Variants in GARIN2 observed in about 807,000 individuals in gnomAD.
GARIN2 encodes golgi associated RAB2 interactor family member 2, also known as Golgi-associated RAB2 interactor protein 2.
the GARIN2 span, among the ~76,000 whole-genome samples, chr14:67,207,925 T>C: frequency 6.6e-6 from 1 of 152,162 alleles, no homozygotes; most frequent in African/African-American, 2.4e-5. Context: ...GTACTGTAAT[T>C]AGATGCCAAC....
chr14:67,215,060 T>A, the GARIN2 span, among the ~76,000 whole-genome samples: 3 of 152,200 alleles, frequency 2.0e-5, no homozygotes, highest in Non-Finnish European at 4.4e-5. Context: ...CTTAAGGAGA[T>A]TCTGGGCTGA....
At chr14:67,216,684 T>C in the GARIN2 span, among the ~76,000 whole-genome samples, 3 of 152,208 alleles carry the variant, frequency 2.0e-5, no homozygotes, top group Non-Finnish European at 1.5e-5. Context: ...AGCATGTTGT[T>C]TAATTTTTAT....
chr14:67,221,786 A>G, the GARIN2 span: 1 of 1,613,450 alleles, frequency 6.2e-7, no homozygotes, highest in South Asian at 1.1e-5. Context: ...CAGGAGCTTG[A>G]GAACTGAATC....
the GARIN2 span, among the ~76,000 whole-genome samples, chr14:67,212,354 C>T: frequency 6.6e-6 from 1 of 151,798 alleles, no homozygotes; most frequent in African/African-American, 2.4e-5. Context: ...CACCTGTAAT[C>T]CCATGGGCAG....
the GARIN2 span, among the ~76,000 whole-genome samples, chr14:67,211,538 G>A: frequency 3.3e-5 from 5 of 152,210 alleles, no homozygotes; most frequent in African/African-American, 9.7e-5. Flanking sequence ...TCGAATGTAT[G>A]AGGAAGTTCA....
At chr14:67,219,443 G>C in the GARIN2 span, among the ~76,000 whole-genome samples, 1 of 152,226 alleles carries the variant, frequency 6.6e-6, no homozygotes, top group South Asian at 2.1e-4. Flanking sequence ...TCACATCTTA[G>C]CAGTTTATTC....
the GARIN2 span, among the ~76,000 whole-genome samples, chr14:67,192,961 T>G: frequency 5.4e-5 from 8 of 146,868 alleles, no homozygotes; most frequent in South Asian, 1.1e-3. Context: ...TATATATCTA[T>G]ATATCGATAT....
chr14:67,220,407 A>G, the GARIN2 span, among the ~76,000 whole-genome samples: 1 of 151,886 alleles, frequency 6.6e-6, no homozygotes, highest in African/African-American at 2.4e-5. Context: ...GAGCCACTGC[A>G]CTCTAGCCTG....
the GARIN2 span, chr14:67,208,594 C>T: frequency 1.1e-6 from 1 of 905,110 alleles, no homozygotes; most frequent in Non-Finnish European, 1.6e-6. Flanking sequence ...ATATAGTCAA[C>T]TCTGAATGAC....
the GARIN2 span, among the ~76,000 whole-genome samples, chr14:67,206,048 G>T: frequency 6.6e-6 from 1 of 152,134 alleles, no homozygotes; most frequent in Non-Finnish European, 1.5e-5. Context: ...GCTGGCCATG[G>T]TGGTGTATGC....
chr14:67,195,868 C>G, the GARIN2 span, among the ~76,000 whole-genome samples: 1 of 152,096 alleles, frequency 6.6e-6, no homozygotes, highest in African/African-American at 2.4e-5. Flanking sequence ...CTCAGCCTCC[C>G]AAGTGGGCCT....
At chr14:67,215,058 G>A in the GARIN2 span, among the ~76,000 whole-genome samples, 3 of 152,190 alleles carry the variant, frequency 2.0e-5, no homozygotes, top group Non-Finnish European at 4.4e-5. Context: ...AGCTTAAGGA[G>A]ATTCTGGGCT....
the GARIN2 span, among the ~76,000 whole-genome samples, chr14:67,192,394 T>G: frequency 1.3e-5 from 2 of 152,134 alleles, no homozygotes; most frequent in Non-Finnish European, 2.9e-5. Flanking sequence ...TTTCCCTACC[T>G]AACACCTTGA....
At chr14:67,193,761 A>T in the GARIN2 span, among the ~76,000 whole-genome samples, 5 of 141,492 alleles carry the variant, frequency 3.5e-5, no homozygotes, top group African/African-American at 1.3e-4. Context: ...TGGGCAACAC[A>T]GGAAGACCCA....
At chr14:67,225,307 C>A in the GARIN2 span, 1 of 1,327,716 alleles carries the variant, frequency 7.5e-7, no homozygotes, top group Non-Finnish European at 9.9e-7. Context: ...TACATGATAG[C>A]TATGATACTG....
chr14:67,201,029 C>G, the GARIN2 span, among the ~76,000 whole-genome samples: 1 of 152,188 alleles, frequency 6.6e-6, no homozygotes, highest in Non-Finnish European at 1.5e-5. Context: ...GGTGCAGTGG[C>G]TCATGGCTAT....
chr14:67,195,879 A>G, the GARIN2 span, among the ~76,000 whole-genome samples: 4 of 151,932 alleles, frequency 2.6e-5, no homozygotes, highest in South Asian at 8.3e-4. Flanking sequence ...AAGTGGGCCT[A>G]TATTGAGAGA....
the GARIN2 span, chr14:67,208,208 T>A: frequency 6.2e-7 from 1 of 1,612,454 alleles, no homozygotes; most frequent in Non-Finnish European, 8.5e-7. Context: ...AAAGGAAAAA[T>A]TGAAAAACAT....
the GARIN2 span, among the ~76,000 whole-genome samples, chr14:67,194,044 C>T: frequency 4.0e-5 from 6 of 149,802 alleles, no homozygotes; most frequent in African/African-American, 1.5e-4. Flanking sequence ...TATACCAAAA[C>T]TTGAATACTG....
Sources: gnomAD v4.1 joint callset for allele counts (sites outside exome capture counted in the v4.1 genomes callset) on GRCh38, gnomAD v4.1.1 for gene constraint, MANE v1.5 for transcripts, NCBI Gene and HGNC (gene_info 2026-07-23, HGNC 2026-07-21) for gene names.